Variants in PRKG1 observed in about 807,000 individuals in gnomAD.
The protein encoded by PRKG1 is cGMP-dependent protein kinase 1.
Under a neutral mutation model 88.1 loss-of-function variants are expected in PRKG1, and 35 were observed. That is an observed-to-expected ratio of 0.40 (90% CI 0.30 to 0.53). PRKG1 has a LOEUF of 0.53. Ranked by LOEUF, PRKG1 falls within the 20% of genes least tolerant of loss-of-function variation. The pLI is 0.59. For missense variants in PRKG1, 540 were observed against 839.8 expected (o/e 0.64, Z 4.41); for synonymous variants, 303 against 292.5 (o/e 1.04, Z -0.37).
intron 1 of PRKG1, among the ~76,000 whole-genome samples, chr10:51,011,343 A>G (rs1842991742): frequency 6.6e-6 from 1 of 152,134 alleles, no homozygotes; most frequent in Non-Finnish European, 1.5e-5. Context: ...CCTGACCACC[A>G]GTTAGGGCAA....
In PRKG1 at chr10:52,174,566, A is replaced by G. The variant is rs559656199; in HGVS notation, c.1076+12603A>G. ...GTGATTACCGTACTTCAAATTTTAAAAAACCAAAGAGATAGTATAAAACTA... is the reference window on the plus strand; with the variant it reads ...GTGATTACCGTACTTCAAATTTTAAGAAACCAAAGAGATAGTATAAAACTA... On this transcript the variant is annotated intron_variant, in intron 9 of 17. Transcript: ENST00000373980. 9.2e-5 allele frequency among the ~76,000 whole-genome samples: 14 copies of G among 152,194 alleles called. No individual in the cohort carries two copies. The East Asian group carries it at 2.3e-3, about 25-fold the overall frequency.
intron 9 of PRKG1, among the ~76,000 whole-genome samples, chr10:52,249,859 C>A (rs1213579077): frequency 6.6e-6 from 1 of 151,868 alleles, no homozygotes; most frequent in East Asian, 1.9e-4. Flanking sequence ...AACAAAAAAC[C>A]AAAAAAACAA....
chr10:51,073,105 G>A (rs1313959878), upstream of PRKG1, among the ~76,000 whole-genome samples: 4 of 152,102 alleles, frequency 2.6e-5, no homozygotes, highest in Non-Finnish European at 5.9e-5. Flanking sequence ...CAAATATTAG[G>A]GATTTAGGTA....
chr10:51,441,525 T>G (rs1395689256), intron 2 of PRKG1, among the ~76,000 whole-genome samples: 1 of 151,956 alleles, frequency 6.6e-6, no homozygotes, highest in Non-Finnish European at 1.5e-5. Flanking sequence ...AGGCAGATGC[T>G]TAGTCCACCA....
intron 2 of PRKG1, among the ~76,000 whole-genome samples, chr10:51,206,779 A>G (rs990527823): frequency 2.0e-5 from 3 of 152,172 alleles, no homozygotes; most frequent in South Asian, 2.1e-4. Context: ...CTGAAACTCA[A>G]CTGCAGTTAT....
intron 4 of PRKG1, among the ~76,000 whole-genome samples, chr10:51,837,621 C>T (rs1470634739): frequency 6.6e-6 from 1 of 152,056 alleles, no homozygotes; most frequent in East Asian, 1.9e-4. Flanking sequence ...GGAAATCCTT[C>T]GTGGCTAGGG....
intron 1 of PRKG1, among the ~76,000 whole-genome samples, chr10:50,996,139 G>A (rs912498004): frequency 3.0e-4 from 45 of 152,292 alleles, no homozygotes; most frequent in South Asian, 4.1e-4. Context: ...AATAGAGATA[G>A]CTAATCTTAG....
chr10:52,216,732 G>C (rs1373415656), intron 9 of PRKG1, among the ~76,000 whole-genome samples: 1 of 151,958 alleles, frequency 6.6e-6, no homozygotes, highest in Non-Finnish European at 1.5e-5. Flanking sequence ...GTTTTGGTGC[G>C]GTTTTTTAAG....
intron 2 of PRKG1, among the ~76,000 whole-genome samples, chr10:51,161,302 A>G (rs1286379958): frequency 1.3e-5 from 2 of 152,140 alleles, no homozygotes; most frequent in Non-Finnish European, 2.9e-5. Context: ...TATTTGTTGT[A>G]CAAGTTAAGA....
At chr10:51,945,337 G>A (rs1843001617) in intron 5 of PRKG1, among the ~76,000 whole-genome samples, 1 of 151,084 alleles carries the variant, frequency 6.6e-6, no homozygotes, top group Non-Finnish European at 1.5e-5. Flanking sequence ...TTTATTTTGA[G>A]CCTATGTGTG....
intron 3 of PRKG1, among the ~76,000 whole-genome samples, chr10:51,732,949 T>TATAC (rs1564625390): frequency 1.3e-5 from 2 of 152,146 alleles, no homozygotes; most frequent in Admixed American, 1.3e-4. Context: ...GGTGCCAGTA[T>TATAC]GGTCCAGTTC....
intron 7 of PRKG1, among the ~76,000 whole-genome samples, chr10:52,069,948 TTA>T (rs5784901): frequency 0.27 from 40,315 of 151,834 alleles, 5,443 homozygotes; most frequent in South Asian, 0.3. Context: ...ATTTTAATGA[TTA>T]TAACCTTTAT....
At chr10:51,786,398 G>T (rs1443618543) in intron 3 of PRKG1, among the ~76,000 whole-genome samples, 2 of 152,110 alleles carry the variant, frequency 1.3e-5, no homozygotes, top group African/African-American at 4.8e-5. Flanking sequence ...TATTTCTAGA[G>T]TTATAAAGTA....
At chr10:51,415,910 A>AGTGT (rs71459419) in intron 2 of PRKG1, among the ~76,000 whole-genome samples, 5,183 of 147,172 alleles carry the variant, frequency 0.035, 91 homozygotes, top group Non-Finnish European at 0.039. Context: ...TAGAGCTTCC[A>AGTGT]GTGTGTGTGT....
At chr10:51,662,669 A>C (rs1264361481) in intron 3 of PRKG1, among the ~76,000 whole-genome samples, 1 of 152,166 alleles carries the variant, frequency 6.6e-6, no homozygotes, top group Non-Finnish European at 1.5e-5. Context: ...TAAAAAGTAC[A>C]ACCATAGACT....
intron 3 of PRKG1, among the ~76,000 whole-genome samples, chr10:51,609,493 T>C (rs937907145): frequency 1.3e-5 from 2 of 152,222 alleles, no homozygotes; most frequent in African/African-American, 4.8e-5. Flanking sequence ...ACTGGGTATA[T>C]ACCCAAAGGA....
intron 5 of PRKG1, among the ~76,000 whole-genome samples, chr10:52,049,522 G>C (rs1471726888): frequency 5.3e-5 from 8 of 152,146 alleles, no homozygotes; most frequent in Non-Finnish European, 2.9e-5. Flanking sequence ...AAGCAATAAA[G>C]TGATTTCAAT....
At chr10:51,201,203 G>A (rs1433055565) in intron 2 of PRKG1, among the ~76,000 whole-genome samples, 1 of 152,176 alleles carries the variant, frequency 6.6e-6, no homozygotes, top group Non-Finnish European at 1.5e-5. Context: ...GCTCATGCCT[G>A]TAATCCCAGC....
intron 2 of PRKG1, among the ~76,000 whole-genome samples, chr10:51,403,306 G>T (rs939206704): frequency 2.0e-5 from 3 of 152,118 alleles, no homozygotes; most frequent in Non-Finnish European, 2.9e-5. Flanking sequence ...CTCTTATTTT[G>T]AAATACTTAA....
Sources: allele counts gnomAD v4.1 joint callset (sites outside exome capture counted in the v4.1 genomes callset), GRCh38; gene constraint gnomAD v4.1.1; transcripts MANE v1.5; gene names NCBI Gene and HGNC (gene_info 2026-07-23, HGNC 2026-07-21).